Variants in IFRD1 observed in about 807,000 individuals in gnomAD.
IFRD1 encodes interferon related developmental regulator 1.
Under a neutral mutation model 52.9 loss-of-function variants are expected in IFRD1, and 35 were observed. That is an observed-to-expected ratio of 0.66 (90% CI 0.51 to 0.88). The LOEUF (loss-of-function observed/expected upper bound fraction) is 0.88, where lower values mean the gene tolerates loss of function less well. Among genes scored for constraint, IFRD1 ranks in the 40% least tolerant of loss-of-function variants. IFRD1 has a pLI of 0.00. For synonymous variants in IFRD1, 184 were observed against 188.4 expected, an observed-to-expected ratio of 0.98 and a Z score of 0.19; for missense variants, 517 against 550.8, an observed-to-expected ratio of 0.94 and a Z score of 0.61.
chr7:112,425,521 T>C (rs1256373895), intron 1 of IFRD1, among the ~76,000 whole-genome samples: 1 of 152,180 alleles, frequency 6.6e-6, no homozygotes, highest in Admixed American at 6.5e-5. Context: ...TTTTGGACTC[T>C]AGAACTTGTA....
intron 8 of IFRD1, chr7:112,467,251 T>C (rs1032641631): frequency 5.3e-5 from 8 of 152,268 alleles, no homozygotes; most frequent in African/African-American, 1.4e-4. Flanking sequence ...TCCTGGCTTC[T>C]TAGTAAGAAG....
chr7:112,461,818 TAAGA>T, intron 5 of IFRD1, 44 bp from the exon 6 acceptor site: 1 of 1,003,814 alleles, frequency 1.0e-6, no homozygotes, highest in South Asian at 1.7e-5. Flanking sequence ...GTAGAATTAA[TAAGA>T]AATAAAATCA....
chr7:112,450,766 G>A lies in IFRD1; in HGVS notation c.78G>A (p.Ala26=). The A allele has an allele frequency of 1.2e-6, 2 of 1,612,070 alleles. No homozygotes were observed. The highest frequency in any genetic ancestry group is 2.2e-5 in the East Asian group (1 of 44,872). The change falls in exon 1 of 12, where the codon GCG becomes GCA. Residue 26 remains alanine (A), a synonymous_variant. Transcript: ENST00000403825. ...GCGGCGGGTCAGGAGCAGCCGCAGC[G>A]ACGGCGGCGACAGCAGGTAAGGGGT... ...AGGGGSGAAA[A]TAATAGGQHR... is the part of the protein sequence containing the mutation.
chr7:112,424,615 A>T (rs1794390121), intron 1 of IFRD1, among the ~76,000 whole-genome samples: 1 of 151,780 alleles, frequency 6.6e-6, no homozygotes, highest in African/African-American at 2.4e-5. Context: ...GGGTTTCACC[A>T]TGTTGGCCAG....
intron 1 of IFRD1, 134 bp downstream of exon 1, chr7:112,450,916 C>G (rs947750299): frequency 1.5e-5 from 11 of 716,876 alleles, no homozygotes; most frequent in African/African-American, 5.3e-5. Flanking sequence ...GGTTTGGCTA[C>G]TGAACTACAA....
chr7:112,456,789 C>A, intron 3 of IFRD1, 125 bp from the exon 4 acceptor site: 1 of 856,280 alleles, frequency 1.2e-6, no homozygotes. Flanking sequence ...ATGGTTAGAG[C>A]TTGATGAGAA....
chr7:112,475,497 C>G lies in IFRD1; in HGVS notation c.1334C>G (p.Ala445Gly). Residue 445 changes from alanine to glycine, a missense_variant, in exon 12 of 12, where the codon GCA becomes GGA. Coordinates refer to ENST00000403825, the MANE Select transcript of IFRD1 (RefSeq NM_001550.4). ...KARSKCRDKR[A>G]DVGEFF ...AGAAGCAAATGTCGAGATAAGAGAG[C>G]AGATGTTGGAGAATTCTTCTAGATT... 1 of 1,605,300 alleles carries G rather than the reference C, an allele frequency of 6.2e-7. No homozygotes were observed. The highest frequency in any genetic ancestry group is 8.5e-7 in the Non-Finnish European group (1 of 1,172,708).
chr7:112,438,712 A>G (rs1231408026), intron 1 of IFRD1, among the ~76,000 whole-genome samples: 3 of 152,208 alleles, frequency 2.0e-5, no homozygotes, highest in African/African-American at 7.2e-5. Flanking sequence ...GCCAACAAAT[A>G]AACAACCTTC....
chr7:112,469,762 G>A (rs1466715914), intron 9 of IFRD1, among the ~76,000 whole-genome samples: 1 of 152,130 alleles, frequency 6.6e-6, no homozygotes, highest in African/African-American at 2.4e-5. Flanking sequence ...GCTTACACCA[G>A]TATTAACAGC....
intron 11 of IFRD1, 67 bp from the exon 12 acceptor site, chr7:112,475,363 C>A: frequency 1.2e-6 from 1 of 866,836 alleles, no homozygotes; most frequent in Non-Finnish European, 1.9e-6. Context: ...TGACTTTTAC[C>A]CTTTTTCTGT....
chr7:112,442,682 C>T (rs1438466111), intron 1 of IFRD1, among the ~76,000 whole-genome samples: 2 of 152,186 alleles, frequency 1.3e-5, no homozygotes, highest in African/African-American at 4.8e-5. Context: ...CGGACAGCCA[C>T]GGGCCACCTG....
chr7:112,445,454 T>G (rs1029307716), intron 1 of IFRD1, among the ~76,000 whole-genome samples: 1 of 152,180 alleles, frequency 6.6e-6, no homozygotes, highest in Admixed American at 6.5e-5. Flanking sequence ...CATTTCTTCA[T>G]CCACAAAATG....
chr7:112,445,214 C>T (rs908752632), intron 1 of IFRD1, among the ~76,000 whole-genome samples: 1 of 151,896 alleles, frequency 6.6e-6, no homozygotes, highest in South Asian at 2.1e-4. Flanking sequence ...CTACAGGCGC[C>T]CGCCACCACG....
intron 1 of IFRD1, 49 bp from the exon 2 acceptor site, chr7:112,455,714 A>T (rs1795273782): frequency 1.7e-6 from 2 of 1,179,864 alleles, no homozygotes; most frequent in Non-Finnish European, 2.5e-6. Flanking sequence ...TTAAATATTT[A>T]GGTATATGGC....
chr7:112,426,650 T>C (rs372986854), intron 1 of IFRD1, among the ~76,000 whole-genome samples: 1 of 152,088 alleles, frequency 6.6e-6, no homozygotes, highest in Non-Finnish European at 1.5e-5. Context: ...ATTCAGGCCA[T>C]GATGGGAAGT....
chr7:112,451,295 A>G (rs1795156658), intron 1 of IFRD1, among the ~76,000 whole-genome samples: 1 of 152,212 alleles, frequency 6.6e-6, no homozygotes, highest in South Asian at 2.1e-4. Context: ...GGGGTGACGC[A>G]GAGGCGCTGG....
intron 8 of IFRD1, among the ~76,000 whole-genome samples, chr7:112,463,878 ACACACACACACACACAC>A (rs1279338888): frequency 4.5e-4 from 20 of 44,608 alleles, no homozygotes; most frequent in African/African-American, 1.7e-3. Context: ...ACACACACAC[ACACACACACACACACAC>A]CCCACGTATC....
At chr7:112,473,032 GTGT>G (rs768905509) in intron 11 of IFRD1, among the ~76,000 whole-genome samples, 171 bp downstream of exon 11, 662 of 50,290 alleles carry the variant, frequency 0.013, 4 homozygotes, top group Middle Eastern at 0.042. Flanking sequence ...TGGGGGGCGT[GTGT>G]GTGTGTGTGT....
chr7:112,460,617 G>A (rs757239959), intron 5 of IFRD1, among the ~76,000 whole-genome samples: 1 of 152,102 alleles, frequency 6.6e-6, no homozygotes, highest in Non-Finnish European at 1.5e-5. Context: ...TCTGCTGCTT[G>A]CTTAGCAGTA....
Sources: gnomAD v4.1 joint callset for allele counts (sites outside exome capture counted in the v4.1 genomes callset) on GRCh38, gnomAD v4.1.1 for gene constraint, MANE v1.5 for transcripts, NCBI Gene and HGNC (gene_info 2026-07-23, HGNC 2026-07-21) for gene names.